Variants in NRXN1 observed in about 807,000 individuals in gnomAD.
NRXN1 encodes neurexin-1.
A neutral mutation model predicts 150.9 loss-of-function variants in NRXN1; 39 were observed. That is an observed-to-expected ratio of 0.26 (90% CI 0.20 to 0.34). The LOEUF (loss-of-function observed/expected upper bound fraction) is 0.34. Ranked by LOEUF, NRXN1 falls within the 10% of genes least tolerant of loss-of-function variation. The pLI is 1.00. For missense variants in NRXN1, 1,815 were observed against 1,949.9 expected, an observed-to-expected ratio of 0.93 and a Z score of 1.30; for synonymous variants, 924 against 757.0, an observed-to-expected ratio of 1.22 and a Z score of -3.62.
At chr2:50,765,249 A>C (rs1702249996) in intron 5 of NRXN1, among the ~76,000 whole-genome samples, 1 of 151,962 alleles carries the variant, frequency 6.6e-6, no homozygotes, top group South Asian at 2.1e-4. Context: ...CCAAACCCTA[A>C]TTGTTCACTT....
chr2:50,117,123 T>G (rs1332719001), intron 18 of NRXN1, among the ~76,000 whole-genome samples: 1 of 152,190 alleles, frequency 6.6e-6, no homozygotes, highest in Non-Finnish European at 1.5e-5. Flanking sequence ...TGATTGTTTG[T>G]ATCAGAATCT....
intron 10 of NRXN1, among the ~76,000 whole-genome samples, chr2:50,537,419 G>A (rs1453264254): frequency 6.6e-6 from 1 of 152,160 alleles, no homozygotes; most frequent in African/African-American, 2.4e-5. Context: ...AATAAACTTA[G>A]AACTATTTGT....
At chr2:50,940,399 C>T (rs1420136637) in intron 2 of NRXN1, among the ~76,000 whole-genome samples, 9 of 150,278 alleles carry the variant, frequency 6.0e-5, no homozygotes, top group African/African-American at 1.2e-4. Flanking sequence ...TGCTTGAACC[C>T]GGGAGGTGGA....
chr2:49,980,433 A>C (rs1679807674), intron 21 of NRXN1, among the ~76,000 whole-genome samples: 1 of 152,186 alleles, frequency 6.6e-6, no homozygotes, highest in Non-Finnish European at 1.5e-5. Context: ...AGAAATGGGA[A>C]GCTTTAAAAA....
chr2:50,547,027 C>G (rs2093509521), intron 9 of NRXN1, among the ~76,000 whole-genome samples: 1 of 152,126 alleles, frequency 6.6e-6, no homozygotes, highest in South Asian at 2.1e-4. Context: ...TAATAGATAG[C>G]TAGAAAGTGC....
chr2:50,465,337 G>T, intron 17 of NRXN1, 105 bp downstream of exon 17: 2 of 1,145,544 alleles, frequency 1.7e-6, no homozygotes, highest in South Asian at 2.4e-5. Flanking sequence ...ATGACAGTTC[G>T]ACTGACTCAG....
At chr2:50,480,016 G>A (rs780329965) in intron 15 of NRXN1, among the ~76,000 whole-genome samples, 13 of 151,862 alleles carry the variant, frequency 8.6e-5, no homozygotes, top group East Asian at 3.9e-4. Flanking sequence ...TCAGATATCC[G>A]CCCGCCTTGG....
At chr2:50,219,974 TAA>T (rs60741573) in intron 18 of NRXN1, among the ~76,000 whole-genome samples, 1,739 of 52,124 alleles carry the variant, frequency 0.033, 48 homozygotes, top group Non-Finnish European at 0.044. Context: ...TATATATATA[TAA>T]TATATATATT....
intron 21 of NRXN1, among the ~76,000 whole-genome samples, chr2:49,963,336 G>T (rs1026627124): frequency 5.9e-5 from 9 of 152,206 alleles, no homozygotes; most frequent in Admixed American, 5.9e-4. Flanking sequence ...GAAAAAGACA[G>T]TAGATGCCAC....
At chr2:50,062,955 T>C (rs1156897316) in intron 19 of NRXN1, among the ~76,000 whole-genome samples, 1 of 152,214 alleles carries the variant, frequency 6.6e-6, no homozygotes, top group Non-Finnish European at 1.5e-5. Flanking sequence ...GGCTTCTTAT[T>C]TCTTGAGTTT....
In NRXN1 at chr2:50,741,493, T is replaced by C. The variant is rs373671749; in HGVS notation, c.833-117878A>G. On this transcript the variant is annotated intron_variant, in intron 5 of 22. Coordinates refer to ENST00000401669, the MANE Select transcript of NRXN1 (RefSeq NM_001330078.2). The stretch of plus-strand genomic sequence containing the variant: ...GAGGATCACTGTGCCCTGCAGAATG[T>C]ATATAATTTATTTGACATTTTATCT... Among the ~76,000 whole-genome samples the C allele has an allele frequency of 2.0e-5, 3 of 152,346 alleles. No homozygotes were observed. In the East Asian group the frequency reaches 5.8e-4, roughly 29 times the overall value.
intron 8 of NRXN1, among the ~76,000 whole-genome samples, chr2:50,564,935 G>A (rs1435345429): frequency 1.3e-5 from 2 of 152,076 alleles, no homozygotes; most frequent in African/African-American, 4.8e-5. Flanking sequence ...AATTTCTCAT[G>A]GCACACGTTA....
At chr2:50,353,406 G>C (rs1049593777) in intron 17 of NRXN1, among the ~76,000 whole-genome samples, 1 of 152,022 alleles carries the variant, frequency 6.6e-6, no homozygotes, top group Non-Finnish European at 1.5e-5. Context: ...ACACTTCCTA[G>C]GCTCATGCTC....
chr2:50,343,682 C>G (rs2077718998), intron 17 of NRXN1, among the ~76,000 whole-genome samples: 1 of 152,158 alleles, frequency 6.6e-6, no homozygotes, highest in African/African-American at 2.4e-5. Flanking sequence ...TAAGTGACAC[C>G]TCATAATAGT....
At chr2:50,399,379 G>A (rs866559149) in intron 17 of NRXN1, among the ~76,000 whole-genome samples, 5 of 151,942 alleles carry the variant, frequency 3.3e-5, no homozygotes, top group African/African-American at 9.6e-5. Flanking sequence ...CTGTTAGAGG[G>A]TAACACATTT....
At chr2:50,264,012 A>T (rs890107325) in intron 17 of NRXN1, among the ~76,000 whole-genome samples, 1 of 151,966 alleles carries the variant, frequency 6.6e-6, no homozygotes, top group African/African-American at 2.4e-5. Context: ...GATTTAATGA[A>T]CCTAGTCTGT....
intron 2 of NRXN1, among the ~76,000 whole-genome samples, chr2:50,961,287 G>A (rs531887871): frequency 6.6e-6 from 1 of 151,666 alleles, no homozygotes; most frequent in African/African-American, 2.4e-5. Flanking sequence ...TTTTTCATTA[G>A]GTATGGACCT....
chr2:50,306,782 G>C (rs1350836457), intron 17 of NRXN1, among the ~76,000 whole-genome samples: 1 of 152,202 alleles, frequency 6.6e-6, no homozygotes, highest in East Asian at 1.9e-4. Flanking sequence ...AAATTCCAGA[G>C]TGTTGGCTTA....
At chr2:50,305,871 G>A (rs1379639147) in intron 17 of NRXN1, among the ~76,000 whole-genome samples, 3 of 152,122 alleles carry the variant, frequency 2.0e-5, no homozygotes, top group Non-Finnish European at 4.4e-5. Flanking sequence ...CCAATTCTCC[G>A]TCCTTCCATG....
Sources: allele counts gnomAD v4.1 joint callset (sites outside exome capture counted in the v4.1 genomes callset), GRCh38; gene constraint gnomAD v4.1.1; transcripts MANE v1.5; gene names NCBI Gene and HGNC (gene_info 2026-07-23, HGNC 2026-07-21).